Variants in ANKRD12 observed in about 807,000 individuals in gnomAD.
ANKRD12 encodes ankyrin repeat domain-containing protein 12.
In ANKRD12, 85 loss-of-function variants were observed where a neutral mutation model predicts 183.4. That is an observed-to-expected ratio of 0.46 (90% CI 0.39 to 0.56). ANKRD12 has a LOEUF of 0.56. Ranked by LOEUF, ANKRD12 falls within the 20% of genes least tolerant of loss-of-function variation. The pLI is 0.00. For synonymous variants in ANKRD12, 914 were observed against 800.2 expected (o/e 1.14, Z -2.40); for missense variants, 2,405 against 2,357.1 (o/e 1.02, Z -0.42).
chr18:9,184,061 A>G (rs1436422508), intron 2 of ANKRD12, among the ~76,000 whole-genome samples: 2 of 152,226 alleles, frequency 1.3e-5, no homozygotes, highest in African/African-American at 4.8e-5. Context: ...CCAGTAAAAT[A>G]TAGCAGCTTT....
chr18:9,161,243 C>T (rs2031371077), intron 1 of ANKRD12, among the ~76,000 whole-genome samples: 1 of 152,024 alleles, frequency 6.6e-6, no homozygotes, highest in Non-Finnish European at 1.5e-5. Context: ...GTACTTATTG[C>T]CCAGTATGTA....
At chr18:9,160,096 C>G (rs181136342) in intron 1 of ANKRD12, among the ~76,000 whole-genome samples, 88 of 152,024 alleles carry the variant, frequency 5.8e-4, no homozygotes, top group African/African-American at 2.0e-3. Flanking sequence ...ATGGTAAAAC[C>G]GTGTCTCTAC....
intron 1 of ANKRD12, among the ~76,000 whole-genome samples, chr18:9,152,162 C>T (rs995580986): frequency 3.3e-5 from 5 of 152,102 alleles, no homozygotes; most frequent in African/African-American, 4.8e-5. Flanking sequence ...TGGAGATGCC[C>T]CCTTCTTTTT....
intron 9 of ANKRD12, chr18:9,260,530 AT>A (rs1197867300): frequency 6.6e-6 from 1 of 152,166 alleles, no homozygotes; most frequent in African/African-American, 2.4e-5. Context: ...GGAAAACGAG[AT>A]TTGTTACAAC....
chr18:9,256,908 A>T lies in ANKRD12; in HGVS notation c.3641A>T (p.Asp1214Val). Residue 1214 changes from aspartate (D) to valine (V), a missense_variant, in exon 9 of 13, where the codon GAT (aspartate) becomes GTT (valine). Physicochemically the swap from Asp to Val is radical, Grantham distance 152 (BLOSUM62 -3). Coordinates refer to ENST00000262126, the MANE Select transcript of ANKRD12 (RefSeq NM_015208.5). ...VSMISVASSEDSCHTTVTTPR... is the reference protein window; with the variant it reads ...VSMISVASSEVSCHTTVTTPR... ...ATGATTTCTGTTGCTAGTTCAGAAG[A>T]TTCCTGCCATACTACAGTGACAACC... 1 of 1,613,968 alleles carries T rather than the reference A, an allele frequency of 6.2e-7. No individual in the cohort carries two copies. The highest frequency in any genetic ancestry group is 8.5e-7 in the Non-Finnish European group (1 of 1,179,944).
At chr18:9,220,227 G>A (rs998643109) in intron 7 of ANKRD12, among the ~76,000 whole-genome samples, 1 of 152,062 alleles carries the variant, frequency 6.6e-6, no homozygotes, top group South Asian at 2.1e-4. Flanking sequence ...TCTGTTTCAT[G>A]TTATTCATTT....
chr18:9,251,985 A>G (rs1048048195), intron 8 of ANKRD12, among the ~76,000 whole-genome samples: 4 of 152,220 alleles, frequency 2.6e-5, no homozygotes, highest in African/African-American at 7.2e-5. Context: ...TGTTTTATTA[A>G]ATACAAGTTT....
intron 8 of ANKRD12, among the ~76,000 whole-genome samples, chr18:9,229,322 C>G (rs1487513794): frequency 6.6e-6 from 1 of 151,892 alleles, no homozygotes; most frequent in Admixed American, 6.6e-5. Flanking sequence ...TTTTCTATTT[C>G]TGTGAAAAAT....
At chr18:9,267,456 G>A in intron 10 of ANKRD12, among the ~76,000 whole-genome samples, 1 of 152,160 alleles carries the variant, frequency 6.6e-6, no homozygotes, top group Non-Finnish European at 1.5e-5. Flanking sequence ...TAGAACTCAG[G>A]ATTAAGAAAC....
chr18:9,229,847 G>C (rs904025356), intron 8 of ANKRD12, among the ~76,000 whole-genome samples: 2 of 151,956 alleles, frequency 1.3e-5, no homozygotes, highest in Non-Finnish European at 2.9e-5. Flanking sequence ...TTATCTTTTC[G>C]ATGTGCCATT....
Position 9,257,798 on chromosome 18 carries a change from T to G in ANKRD12, c.4531T>G (p.Leu1511Val). ...TGAATCGATTTCTAAACATATGTCTTTGTCATATGTTGCTAATCAAGAGCC... is the reference window on the plus strand; with the variant it reads ...TGAATCGATTTCTAAACATATGTCTGTGTCATATGTTGCTAATCAAGAGCC... ...DAESISKHMSLSYVANQEPGI... is the reference protein window; with the variant it reads ...DAESISKHMSVSYVANQEPGI... Residue 1511 changes from leucine to valine, a missense_variant, in exon 9 of 13, where the codon TTG (leucine) becomes GTG (valine). Leu to Val is a conservative substitution (Grantham distance 32, BLOSUM62 1). Around this residue, in one of 7 missense-constraint regions of ANKRD12, gnomAD observed 1,983 missense variants for 1,725.9 expected, o/e 1.15. Transcript: ENST00000262126. The G allele has an allele frequency of 6.2e-7, 1 of 1,613,892 alleles. No individual in the cohort carries two copies. Among genetic ancestry groups the G allele is most frequent in the African/African-American group, 1.3e-5 (1 of 75,044 alleles).
In ANKRD12 at chr18:9,266,828, G is replaced by GATA. The variant is rs1475724051; in HGVS notation, c.5763+2942_5763+2944dup. 2.4e-4 allele frequency among the ~76,000 whole-genome samples: 37 copies of GATA among 152,192 alleles called. 1 individual carries two copies. The South Asian group carries it at 7.5e-3, about 31-fold the overall frequency. On this transcript the variant is annotated intron_variant, in intron 10 of 12. Transcript: ENST00000262126. ...TTAAAAGACACAGACTGGCAAATTGGATAAAGAGTCAAGACCCATCAGTGT... is the reference window on the plus strand; with the variant it reads ...TTAAAAGACACAGACTGGCAAATTGGATAATAAAGAGTCAAGACCCATCAGTGT...
chr18:9,265,957 A>T (rs1181675471), intron 10 of ANKRD12, among the ~76,000 whole-genome samples: 2 of 152,250 alleles, frequency 1.3e-5, no homozygotes, highest in East Asian at 3.8e-4. Context: ...CCAAGGCACG[A>T]GAACTACATG....
At chr18:9,267,849 G>C (rs1442939637) in intron 10 of ANKRD12, among the ~76,000 whole-genome samples, 2 of 152,040 alleles carry the variant, frequency 1.3e-5, no homozygotes, top group Non-Finnish European at 2.9e-5. Flanking sequence ...TTTTTGAAAA[G>C]ATCAACAAAA....
At chr18:9,259,174 A>G (rs984149780) in intron 9 of ANKRD12, among the ~76,000 whole-genome samples, 32 of 152,216 alleles carry the variant, frequency 2.1e-4, no homozygotes, top group African/African-American at 7.0e-4. Context: ...AAATACAGGT[A>G]TAACTATAAA....
chr18:9,239,246 A>G (rs762143692), intron 8 of ANKRD12, among the ~76,000 whole-genome samples: 2 of 152,242 alleles, frequency 1.3e-5, no homozygotes, highest in South Asian at 2.1e-4. Context: ...AAAAATCGCT[A>G]CTAATTCTTT....
intron 11 of ANKRD12, among the ~76,000 whole-genome samples, chr18:9,278,870 A>G (rs1021171796): frequency 6.6e-6 from 1 of 152,086 alleles, no homozygotes; most frequent in Admixed American, 6.6e-5. Flanking sequence ...TAATGGAGTG[A>G]GTGCTGCATT....
At chr18:9,176,608 G>C (rs1425950602) in intron 1 of ANKRD12, among the ~76,000 whole-genome samples, 1 of 151,502 alleles carries the variant, frequency 6.6e-6, no homozygotes, top group Non-Finnish European at 1.5e-5. Flanking sequence ...GGTTCTTAAG[G>C]TGCTTATACT....
chr18:9,194,733 G>A (rs1598514653), intron 2 of ANKRD12, among the ~76,000 whole-genome samples: 1 of 151,992 alleles, frequency 6.6e-6, no homozygotes, highest in African/African-American at 2.4e-5. Context: ...ATATTCATTG[G>A]CGCTACATCT....
Sources: allele counts gnomAD v4.1 joint callset (sites outside exome capture counted in the v4.1 genomes callset), GRCh38; gene constraint gnomAD v4.1.1; regional missense constraint gnomAD v4.1.1; transcripts MANE v1.5; gene names NCBI Gene and HGNC (gene_info 2026-07-23, HGNC 2026-07-21).